Variants in ARHGEF4 observed in about 807,000 individuals in gnomAD.
The protein encoded by ARHGEF4 is APC-stimulated guanine nucleotide exchange factor 1.
Under a neutral mutation model 162.0 loss-of-function variants are expected in ARHGEF4, and 119 were observed. That is an observed-to-expected ratio of 0.73 (90% CI 0.63 to 0.86). The LOEUF (loss-of-function observed/expected upper bound fraction) is 0.86, where lower values mean the gene tolerates loss of function less well. Among genes scored for constraint, ARHGEF4 ranks in the 40% least tolerant of loss-of-function variants. The probability of loss-of-function intolerance (pLI) is 0.00; values close to 1 mark genes in which losing one functional copy is unlikely to be tolerated. For synonymous variants in ARHGEF4, 1,014 were observed against 979.9 expected (o/e 1.03, Z -0.65); for missense variants, 2,488 against 2,456.0 (o/e 1.01, Z -0.28).
intron 1 of ARHGEF4, among the ~76,000 whole-genome samples, chr2:130,870,433 C>T (rs933449814): frequency 6.6e-6 from 1 of 152,186 alleles, no homozygotes. Context: ...TCCAGGGTCC[C>T]TAGCTGCCAG....
intron 4 of ARHGEF4, chr2:131,011,867 T>C (rs1386747831): frequency 4.2e-6 from 3 of 706,428 alleles, no homozygotes; most frequent in Non-Finnish European, 5.1e-6. Context: ...CTCCGTGAAG[T>C]GTGGGGGCGG....
intron 1 of ARHGEF4, among the ~76,000 whole-genome samples, chr2:130,903,227 T>C (rs769654331): frequency 6.6e-5 from 10 of 150,916 alleles, no homozygotes; most frequent in Non-Finnish European, 1.3e-4. Context: ...TTTTGTTTTG[T>C]TTTTTCCTGT....
At chr2:130,857,050 G>A (rs1347706888) in intron 1 of ARHGEF4, among the ~76,000 whole-genome samples, 6 of 151,988 alleles carry the variant, frequency 3.9e-5, no homozygotes, top group African/African-American at 1.2e-4. Context: ...GTGAAACCCC[G>A]TCTCTACTAA....
chr2:130,946,367 A>T lies in ARHGEF4; in HGVS notation c.3859-142A>T. 8.0e-6 allele frequency: 8 copies of T among 1,002,152 alleles called. No homozygotes were observed. In the South Asian group the frequency reaches 1.3e-4, roughly 16 times the overall value. 62.1% of individuals were successfully genotyped at this position (1,002,152 alleles called of 1,614,324 possible). A position where few individuals can be genotyped will look rare whatever the true frequency, so the allele number is the denominator to read the frequency against. ...TCTTGTGAGTTTTGATGTGAAAGGCATCCCCTGGAGCTGTGCATATTTTGG... is the reference window on the plus strand; with the variant it reads ...TCTTGTGAGTTTTGATGTGAAAGGCTTCCCCTGGAGCTGTGCATATTTTGG... On this transcript the variant is annotated intron_variant, in intron 3 of 13. Transcript: ENST00000409359.
chr2:130,953,965 C>A (rs1458469618), intron 4 of ARHGEF4, among the ~76,000 whole-genome samples: 1 of 152,194 alleles, frequency 6.6e-6, no homozygotes, highest in Admixed American at 6.5e-5. Context: ...GGAGTGTAAA[C>A]TAGTTCAACC....
chr2:131,017,484 C>T (rs1319692148), intron 4 of ARHGEF4, among the ~76,000 whole-genome samples: 3 of 152,290 alleles, frequency 2.0e-5, no homozygotes, highest in East Asian at 1.9e-4. Flanking sequence ...TGTTGAAACT[C>T]GCTTTTCTTT....
intron 1 of ARHGEF4, among the ~76,000 whole-genome samples, chr2:130,850,914 T>C (rs1355513377): frequency 6.6e-6 from 1 of 152,244 alleles, no homozygotes; most frequent in African/African-American, 2.4e-5. Flanking sequence ...AGGGAGAGGC[T>C]TCTGTCCCAT....
rs1356031791 is a variant in ARHGEF4 at position 130,915,964 on chromosome 2, C to T, written c.2018C>T (p.Thr673Ile). The change falls in exon 2 of 14, where the codon ACC becomes ATC. Residue 673 changes from threonine to isoleucine, a missense_variant. Physicochemically the swap from Thr to Ile is moderately conservative, Grantham distance 89. Coordinates refer to ENST00000409359, the MANE Select transcript of ARHGEF4 (RefSeq NM_001367493.1). ...RPESPLSTGE[T>I]PCESPTRGKT... ...GAATCTCCCTTGAGCACTGGCGAGA[C>T]CCCCTGTGAGTCTCCCACTAGGGGG... The T allele has an allele frequency of 1.3e-6, 2 of 1,550,550 alleles. No homozygotes were observed. The highest frequency in any genetic ancestry group is 1.7e-4 in the Middle Eastern group (1 of 5,992).
intron 1 of ARHGEF4, among the ~76,000 whole-genome samples, chr2:130,841,025 C>T (rs1444456807): frequency 6.6e-6 from 1 of 152,156 alleles, no homozygotes; most frequent in African/African-American, 2.4e-5. Flanking sequence ...GTTCTAGGCA[C>T]TCATGGTAGA....
intron 4 of ARHGEF4, among the ~76,000 whole-genome samples, chr2:130,971,607 G>A (rs374963399): frequency 2.9e-5 from 4 of 139,924 alleles, no homozygotes; most frequent in Non-Finnish European, 4.5e-5. Flanking sequence ...GCAGTGAACC[G>A]AGATTGTGCC....
chr2:131,027,839 CAGA>C (rs1689578500), intron 4 of ARHGEF4, 103 bp from the exon 5 acceptor site: 4 of 1,370,866 alleles, frequency 2.9e-6, no homozygotes, highest in Non-Finnish European at 4.0e-6. Flanking sequence ...GCTCCCCCTG[CAGA>C]AGAAGCATTT....
At position 130,934,209 on chromosome 2, in the gene ARHGEF4, G is replaced by C. The variant is rs533205470; in HGVS notation, c.3858+2952G>C. ...TGAGATAATCATGCATGTTTTCTTT[G>C]ACCTATTAATGTGGTATATTACATT... On this transcript the variant is annotated intron_variant, in intron 3 of 13. Transcript: ENST00000409359. Among the ~76,000 whole-genome samples, 3 of 152,242 alleles carry C rather than the reference G, an allele frequency of 2.0e-5. No individual in the cohort carries two copies. In the South Asian group the frequency reaches 6.2e-4, roughly 32 times the overall value.
chr2:131,019,250 T>A (rs1274446702), intron 4 of ARHGEF4, among the ~76,000 whole-genome samples: 1 of 151,958 alleles, frequency 6.6e-6, no homozygotes, highest in East Asian at 1.9e-4. Flanking sequence ...CTGTCTATAC[T>A]AAAAATACAA....
At chr2:130,954,884 TTCTC>T (rs1052535106) in intron 4 of ARHGEF4, among the ~76,000 whole-genome samples, 1 of 152,308 alleles carries the variant, frequency 6.6e-6, no homozygotes, top group East Asian at 1.9e-4. Context: ...CTTCCCCTTT[TTCTC>T]TCTCTTTCTG....
intron 4 of ARHGEF4, among the ~76,000 whole-genome samples, chr2:131,026,368 A>G (rs1573647900): frequency 2.0e-5 from 3 of 152,224 alleles, no homozygotes; most frequent in Admixed American, 6.5e-5. Flanking sequence ...CTAGATTGAC[A>G]GATTTGTCTA....
intron 4 of ARHGEF4, among the ~76,000 whole-genome samples, chr2:130,976,448 G>A (rs748514128): frequency 7.2e-5 from 11 of 151,824 alleles, no homozygotes; most frequent in Non-Finnish European, 1.3e-4. Context: ...GCACGCAGAC[G>A]CTGCACACCT....
At chr2:130,921,455 T>G (rs575370520) in intron 2 of ARHGEF4, among the ~76,000 whole-genome samples, 1 of 152,312 alleles carries the variant, frequency 6.6e-6, no homozygotes, top group East Asian at 1.9e-4. Flanking sequence ...GGTTGCATTT[T>G]AGGGGTGTCC....
intron 1 of ARHGEF4, among the ~76,000 whole-genome samples, chr2:130,903,247 C>CT (rs59665239): frequency 0.71 from 102,079 of 143,572 alleles, 36,405 homozygotes; most frequent in East Asian, 0.95. Flanking sequence ...TTTATCTTGA[C>CT]TTTTTTTTTT....
Position 130,916,480 on chromosome 2 carries a change from C to T in ARHGEF4, c.2534C>T (p.Ala845Val), listed in dbSNP as rs890722847. 1.3e-6 allele frequency: 2 copies of T among 1,545,800 alleles called. No individual in the cohort carries two copies. Among genetic ancestry groups the T allele is most frequent in the African/African-American group, 2.7e-5 (2 of 72,968 alleles). ...ENPPAAAGRD[A>V]PPLHHGDASA... Reference sequence around the variant, plus strand: ...CCGCCCGCTGCGGCCGGTCGGGACGCACCGCCTCTGCACCACGGGGACGCC... The same window carrying T: ...CCGCCCGCTGCGGCCGGTCGGGACGTACCGCCTCTGCACCACGGGGACGCC... Residue 845 changes from alanine to valine, a missense_variant, in exon 2 of 14, where the codon GCA (alanine) becomes GTA (valine). This residue lies in a region of ARHGEF4 where 1,642 missense variants were observed against 1,481.5 expected (regional missense o/e 1.11). Transcript: ENST00000409359.
Sources: allele counts gnomAD v4.1 joint callset (sites outside exome capture counted in the v4.1 genomes callset), GRCh38; gene constraint gnomAD v4.1.1; regional missense constraint gnomAD v4.1.1; transcripts MANE v1.5; gene names NCBI Gene and HGNC (gene_info 2026-07-23, HGNC 2026-07-21).